The following IKBKB variants were observed in gnomAD, a reference collection of about 807,000 sequenced individuals.
The protein encoded by IKBKB is inhibitor of nuclear factor kappa B kinase subunit beta.
IKBKB carries 42 observed loss-of-function variants against 113.6 expected under a neutral mutation model. The ratio of observed to expected loss-of-function variants is 0.37; its 90% CI spans 0.29 to 0.48. The LOEUF is 0.48. Ranked by LOEUF, IKBKB falls within the 20% of genes least tolerant of loss-of-function variation. The probability of loss-of-function intolerance (pLI) is 0.99; values close to 1 mark genes in which losing one functional copy is unlikely to be tolerated. For missense variants in IKBKB, 673 were observed against 939.7 expected (o/e 0.72, Z 3.71); for synonymous variants, 296 against 361.3 (o/e 0.82, Z 2.05).
intron 21 of IKBKB, chr8:42,329,579 C>CT: frequency 1.1e-6 from 1 of 933,856 alleles, no homozygotes; most frequent in South Asian, 4.9e-5. Context: ...AGGCTTACAA[C>CT]TACATGTATG....
chr8:42,309,334 C>G (rs911529409), intron 8 of IKBKB: 17 of 426,090 alleles, frequency 4.0e-5, no homozygotes, highest in Non-Finnish European at 6.1e-5. Flanking sequence ...TACGCACTTA[C>G]ACTGAGAATG....
At chr8:42,282,030 G>A (rs1456128700) in intron 2 of IKBKB, among the ~76,000 whole-genome samples, 1 of 152,172 alleles carries the variant, frequency 6.6e-6, no homozygotes, top group East Asian at 1.9e-4. Context: ...TACACCTTAT[G>A]ACACACATGC....
At chr8:42,280,606 G>A (rs960010564) in intron 2 of IKBKB, among the ~76,000 whole-genome samples, 2 of 152,112 alleles carry the variant, frequency 1.3e-5, no homozygotes, top group East Asian at 1.9e-4. Context: ...TCTCCTCAGT[G>A]CTGGGTCCCC....
At chr8:42,298,882 A>C (rs1814499050) in intron 5 of IKBKB, among the ~76,000 whole-genome samples, 1 of 152,084 alleles carries the variant, frequency 6.6e-6, no homozygotes, top group South Asian at 2.1e-4. Context: ...TGCTTCCCAC[A>C]GGCTCTGTGT....
In IKBKB at chr8:42,330,759, T is replaced by C. The variant is rs17875736; in HGVS notation, c.2206-155T>C. 800 of 952,344 alleles carry C rather than the reference T, an allele frequency of 8.4e-4. 5 individuals carry two copies. In the African/African-American group the frequency reaches 0.013, roughly 16 times the overall value. The allele number at this position is 952,344 out of a possible 1,614,324, so 59.0% of individuals were successfully genotyped here. On this transcript the variant is annotated intron_variant, in intron 21 of 21. Transcript: ENST00000520810. ...TCCTGACCTCATGATCTGCCCACCTTGGCCTCCCAAAGTGTTGGGATTATA... is the reference window on the plus strand; with the variant it reads ...TCCTGACCTCATGATCTGCCCACCTCGGCCTCCCAAAGTGTTGGGATTATA...
intron 2 of IKBKB, among the ~76,000 whole-genome samples, chr8:42,285,213 T>C (rs558196762): frequency 4.6e-5 from 7 of 152,264 alleles, no homozygotes; most frequent in African/African-American, 1.7e-4. Context: ...GATGGACTTG[T>C]GTCCACCATG....
At chr8:42,290,121 C>A in intron 3 of IKBKB, 35 bp from the exon 4 acceptor site, 1 of 1,482,220 alleles carries the variant, frequency 6.7e-7, no homozygotes, top group Non-Finnish European at 9.4e-7. Flanking sequence ...TGGGCAGGAG[C>A]CTGGGTCTGC....
intron 5 of IKBKB, among the ~76,000 whole-genome samples, chr8:42,304,756 C>T (rs1417055931): frequency 1.3e-5 from 2 of 152,198 alleles, no homozygotes; most frequent in Non-Finnish European, 2.9e-5. Context: ...ATTTTTGAGC[C>T]TCTAGACCAA....
At chr8:42,313,564 G>A (rs1009014099) in intron 8 of IKBKB, among the ~76,000 whole-genome samples, 2 of 152,208 alleles carry the variant, frequency 1.3e-5, no homozygotes, top group Non-Finnish European at 2.9e-5. Flanking sequence ...ATCTATGTGT[G>A]TGCGTAGGTT....
At chr8:42,323,973 G>A (rs146214737) in intron 19 of IKBKB, among the ~76,000 whole-genome samples, 23 of 152,342 alleles carry the variant, frequency 1.5e-4, no homozygotes, top group Non-Finnish European at 2.9e-5. Context: ...AGTGAGAGCC[G>A]TTCAGGGCAG....
chr8:42,279,360 G>A (rs1201972714), intron 2 of IKBKB, among the ~76,000 whole-genome samples: 1 of 152,240 alleles, frequency 6.6e-6, no homozygotes, highest in Non-Finnish European at 1.5e-5. Context: ...TAACAACAGT[G>A]TGCACTTTCC....
At chr8:42,279,360 G>C (rs1201972714) in intron 2 of IKBKB, among the ~76,000 whole-genome samples, 1 of 152,240 alleles carries the variant, frequency 6.6e-6, no homozygotes, top group Non-Finnish European at 1.5e-5. Flanking sequence ...TAACAACAGT[G>C]TGCACTTTCC....
At chr8:42,304,508 C>T (rs1176008409) in intron 5 of IKBKB, among the ~76,000 whole-genome samples, 1 of 152,164 alleles carries the variant, frequency 6.6e-6, no homozygotes, top group South Asian at 2.1e-4. Context: ...ATTCTGAGCT[C>T]TTTAAAGTTG....
intron 3 of IKBKB, 61 bp from the exon 4 acceptor site, chr8:42,290,095 G>C: frequency 1.8e-6 from 2 of 1,126,524 alleles, no homozygotes; most frequent in Non-Finnish European, 2.7e-6. Flanking sequence ...CCTGGTGGGG[G>C]TGGTGGGGAT....
At chr8:42,307,380 C>T (rs1029722850) in intron 7 of IKBKB, among the ~76,000 whole-genome samples, 2 of 152,150 alleles carry the variant, frequency 1.3e-5, no homozygotes, top group Non-Finnish European at 2.9e-5. Context: ...ATCTTAAAAC[C>T]TCTGCAGAGA....
chr8:42,309,483 A>G (rs1336568675), intron 8 of IKBKB: 3 of 420,902 alleles, frequency 7.1e-6, no homozygotes, highest in Non-Finnish European at 4.7e-6. Flanking sequence ...GGCCGGGTAC[A>G]GTGGCTCACT....
intron 19 of IKBKB, among the ~76,000 whole-genome samples, chr8:42,324,422 A>T (rs1820340474): frequency 6.6e-6 from 1 of 151,918 alleles, no homozygotes; most frequent in Non-Finnish European, 1.5e-5. Flanking sequence ...ATGCCCCCAC[A>T]CCTGGCTAAT....
intron 7 of IKBKB, among the ~76,000 whole-genome samples, chr8:42,307,060 G>A (rs1235700837): frequency 1.3e-5 from 2 of 152,224 alleles, no homozygotes; most frequent in South Asian, 2.1e-4. Flanking sequence ...AAGCATTACT[G>A]TGATGCTTAC....
At chr8:42,318,943 A>T (rs1819235186) in intron 13 of IKBKB, 1 of 528,778 alleles carries the variant, frequency 1.9e-6, no homozygotes, top group African/African-American at 1.9e-5. Context: ...GGGAACCCAG[A>T]GGAGCTCACT....
Sources: allele counts gnomAD v4.1 joint callset (sites outside exome capture counted in the v4.1 genomes callset), GRCh38; gene constraint gnomAD v4.1.1; transcripts MANE v1.5; gene names NCBI Gene and HGNC (gene_info 2026-07-23, HGNC 2026-07-21).